VAV2: variants seen among roughly 807,000 people sequenced by gnomAD.
VAV2 encodes the protein guanine nucleotide exchange factor VAV2.
VAV2 carries 67 observed loss-of-function variants against 132.5 expected under a neutral mutation model. The ratio of observed to expected loss-of-function variants is 0.51; its 90% CI spans 0.42 to 0.62. The LOEUF (loss-of-function observed/expected upper bound fraction) is 0.62, where lower values mean the gene tolerates loss of function less well. Ranked by LOEUF, VAV2 falls within the 20% of genes least tolerant of loss-of-function variation. VAV2 has a pLI of 0.00. For missense variants in VAV2, 938 were observed against 1,153.6 expected, an observed-to-expected ratio of 0.81 and a Z score of 2.71; for synonymous variants, 492 against 443.5, an observed-to-expected ratio of 1.11 and a Z score of -1.37.
chr9:133,816,332 T>A (rs1835557600), intron 4 of VAV2, among the ~76,000 whole-genome samples: 1 of 152,236 alleles, frequency 6.6e-6, no homozygotes, highest in African/African-American at 2.4e-5. Context: ...GCCTAATTTA[T>A]CACCTTTCCT....
intron 2 of VAV2, among the ~76,000 whole-genome samples, chr9:133,886,529 C>A (rs1460209052): frequency 6.6e-6 from 1 of 152,228 alleles, no homozygotes; most frequent in Non-Finnish European, 1.5e-5. Flanking sequence ...GCACCACACA[C>A]CTGAGCCTGG....
chr9:133,824,784 C>G lies in VAV2; in HGVS notation c.449+9488G>C, dbSNP rs780045442. On this transcript the variant is annotated intron_variant, in intron 4 of 29. Transcript: ENST00000371850. This position sits in a 1 kb window ranked among gnomAD's most constrained non-coding sequence, Gnocchi z 5.2. ...TGACCCTTGGAGAGACAGAGCTGGG[C>G]TCAAATTGCAGCTCTGCCCCCTAGT... Among the ~76,000 whole-genome samples, 1 of 152,148 alleles carries G rather than the reference C, an allele frequency of 6.6e-6. No homozygotes were observed. The highest frequency in any genetic ancestry group is 1.5e-5 in the Non-Finnish European group (1 of 68,016).
In VAV2 at chr9:133,833,114, G is replaced by T. The variant is rs1471273662; in HGVS notation, c.449+1158C>A. Among the ~76,000 whole-genome samples the T allele has an allele frequency of 6.6e-6, 1 of 152,240 alleles. No homozygotes were observed. Among genetic ancestry groups the T allele is most frequent in the Non-Finnish European group, 1.5e-5 (1 of 68,046 alleles). On this transcript the variant is annotated intron_variant, in intron 4 of 29. Coordinates refer to ENST00000371850, the MANE Select transcript of VAV2 (RefSeq NM_001134398.2). This position sits in a 1 kb window ranked among gnomAD's most constrained non-coding sequence, Gnocchi z 5.6. ...GGATGGGCTGGTGGCAGCTACTCCA[G>T]CTGGTGGGTGAGGAATTTCTTTCAC...
chr9:133,820,357 G>A lies in VAV2; in HGVS notation c.450-8141C>T, dbSNP rs558785967. ...TTTTTTTTTTTTGAGACGGAGTCTCGCTGTCGCCCAGGCTGAAGTGCAGTG... is the reference window on the plus strand; with the variant it reads ...TTTTTTTTTTTTGAGACGGAGTCTCACTGTCGCCCAGGCTGAAGTGCAGTG... On this transcript the variant is annotated intron_variant, in intron 4 of 29. Transcript: ENST00000371850. Among the ~76,000 whole-genome samples, 8 of 147,196 alleles carry A rather than the reference G, an allele frequency of 5.4e-5. No individual in the cohort carries two copies. In the South Asian group the frequency reaches 1.5e-3, roughly 27 times the overall value.
rs762688041 is a variant in VAV2 at position 133,788,456 on chromosome 9, G to GATGACCACCTTGTCAAACA, written c.1286_1304dup (p.Cys437Ter). ...AGCTGTAGCCCTTCCGCTTGCAGACGATGACCACCTTGTCAAACAGGAACA... is the reference window on the plus strand; with the variant it reads ...AGCTGTAGCCCTTCCGCTTGCAGACGATGACCACCTTGTCAAACAATGACCACCTTGTCAAACAGGAACA... On this transcript the variant is annotated stop_gained and frameshift_variant, in exon 15 of 30. Transcript: ENST00000371850. LOFTEE classifies it high-confidence loss of function. This position sits in a 1 kb window ranked among gnomAD's most constrained non-coding sequence, Gnocchi z 5.3. 1 of 1,611,150 alleles carries GATGACCACCTTGTCAAACA rather than the reference G, an allele frequency of 6.2e-7. No homozygotes were observed. Among genetic ancestry groups the GATGACCACCTTGTCAAACA allele is most frequent in the Non-Finnish European group, 8.5e-7 (1 of 1,177,634 alleles).
intron 19 of VAV2, among the ~76,000 whole-genome samples, chr9:133,781,022 G>A (rs1052459152): frequency 3.9e-5 from 6 of 152,198 alleles, no homozygotes; most frequent in Admixed American, 6.5e-5. Context: ...TTTGAATGGC[G>A]GCAGCTGCCT....
chr9:133,781,185 G>T (rs1007507977), intron 19 of VAV2, among the ~76,000 whole-genome samples: 29 of 152,186 alleles, frequency 1.9e-4, no homozygotes, highest in African/African-American at 6.5e-4. Context: ...AGGAGGCATT[G>T]GTACGCATGC....
At chr9:133,862,254 G>C (rs1429565508) in intron 2 of VAV2, among the ~76,000 whole-genome samples, 1 of 152,256 alleles carries the variant, frequency 6.6e-6, no homozygotes, top group Non-Finnish European at 1.5e-5. Context: ...AGGGACAGGT[G>C]GCTAGCAGGC....
chr9:133,807,543 G>C (rs188401413), intron 7 of VAV2, among the ~76,000 whole-genome samples: 1 of 152,232 alleles, frequency 6.6e-6, no homozygotes, highest in Non-Finnish European at 1.5e-5. Context: ...CGCTCCCAGC[G>C]TGACGGGGGC....
At chr9:133,797,586 C>G (rs758314059) in intron 10 of VAV2, 124 bp downstream of exon 10, 3 of 829,334 alleles carry the variant, frequency 3.6e-6, no homozygotes, top group Non-Finnish European at 5.5e-6. Flanking sequence ...AAAACCATTA[C>G]GTCATCACCC....
At chr9:133,861,469 C>A in intron 2 of VAV2, 37 bp from the exon 3 acceptor site, 1 of 1,607,730 alleles carries the variant, frequency 6.2e-7, no homozygotes, top group East Asian at 2.2e-5. Context: ...TGTAATTTCA[C>A]AAGAAACCAG....
At chr9:133,814,283 G>A (rs1223754392) in intron 4 of VAV2, among the ~76,000 whole-genome samples, 1 of 152,238 alleles carries the variant, frequency 6.6e-6, no homozygotes, top group Non-Finnish European at 1.5e-5. Flanking sequence ...CTCTCCAGAT[G>A]CTGTCCCCAA....
At chr9:133,764,324 AC>A (rs2131553699) in intron 29 of VAV2, among the ~76,000 whole-genome samples, 1 of 152,096 alleles carries the variant, frequency 6.6e-6, no homozygotes, top group Admixed American at 6.6e-5. Flanking sequence ...TGATCTGCCC[AC>A]CCTCCAGCTG....
In VAV2 at chr9:133,818,323, G is replaced by A. The variant is rs530268717; in HGVS notation, c.450-6107C>T. ...AGAGCTTGCAGTGAGGTGAGATCGC[G>A]CCACTGCACTCCAGCCTGGGTGACA... On this transcript the variant is annotated intron_variant, in intron 4 of 29. Transcript: ENST00000371850. 1.8e-4 allele frequency among the ~76,000 whole-genome samples: 26 copies of A among 146,994 alleles called. No homozygotes were observed. The South Asian group carries it at 4.1e-3, about 23-fold the overall frequency.
In VAV2 at chr9:133,824,921, G is replaced by A. The variant is rs1026361421; in HGVS notation, c.449+9351C>T. The stretch of plus-strand genomic sequence containing the variant: ...CGCTCAGGGAGATGCAACTGGAAGC[G>A]TCTTGACAGAGGGACCCTCCGGGGA... On this transcript the variant is annotated intron_variant, in intron 4 of 29. Transcript: ENST00000371850. This position sits in a 1 kb window ranked among gnomAD's most constrained non-coding sequence, Gnocchi z 5.2. 3.9e-5 allele frequency among the ~76,000 whole-genome samples: 6 copies of A among 152,006 alleles called. No homozygotes were observed. The highest frequency in any genetic ancestry group is 7.4e-5 in the Non-Finnish European group (5 of 67,902).
intron 1 of VAV2, among the ~76,000 whole-genome samples, chr9:133,988,891 C>T (rs1227865695): frequency 2.6e-5 from 4 of 151,986 alleles, no homozygotes; most frequent in South Asian, 2.1e-4. Flanking sequence ...CATAGTGAAA[C>T]GCCGCCTCTA....
At chr9:133,839,456 T>G (rs1286666873) in intron 3 of VAV2, among the ~76,000 whole-genome samples, 3 of 151,668 alleles carry the variant, frequency 2.0e-5, no homozygotes, top group African/African-American at 7.3e-5. Flanking sequence ...AGGAAGTTTT[T>G]TTTTTTTTTT....
chr9:133,910,212 C>G (rs1839828886), intron 2 of VAV2, among the ~76,000 whole-genome samples: 1 of 152,180 alleles, frequency 6.6e-6, no homozygotes, highest in Admixed American at 6.5e-5. Flanking sequence ...GAACAAGAAG[C>G]TGGGTGCACC....
At chr9:133,828,652 T>C (rs1836144189) in intron 4 of VAV2, among the ~76,000 whole-genome samples, 1 of 152,244 alleles carries the variant, frequency 6.6e-6, no homozygotes, top group Admixed American at 6.5e-5. Context: ...CATTTCGACG[T>C]GGGCCCTGTG....
Sources: gnomAD v4.1 joint callset for allele counts (sites outside exome capture counted in the v4.1 genomes callset) on GRCh38, gnomAD v4.1.1 for gene constraint, Gnocchi (gnomAD v3.1) non-coding constraint, MANE v1.5 for transcripts, NCBI Gene and HGNC (gene_info 2026-07-23, HGNC 2026-07-21) for gene names.